APBA2: variants seen among roughly 807,000 people sequenced by gnomAD.
The protein encoded by APBA2 is amyloid-beta A4 precursor protein-binding family A member 2.
A neutral mutation model predicts 75.0 loss-of-function variants in APBA2; 30 were observed. That is an observed-to-expected ratio of 0.40 (90% CI 0.30 to 0.54). The LOEUF (loss-of-function observed/expected upper bound fraction) is 0.54. Ranked by LOEUF, APBA2 falls within the 20% of genes least tolerant of loss-of-function variation. APBA2 has a pLI of 0.49. For missense variants in APBA2, 801 were observed against 1,016.1 expected (o/e 0.79, Z 2.88); for synonymous variants, 444 against 409.6 (o/e 1.08, Z -1.01).
At chr15:29,106,865 C>T (rs372728283) in intron 12 of APBA2, 46 bp downstream of exon 12, 2 of 1,552,868 alleles carry the variant, frequency 1.3e-6, no homozygotes, top group Admixed American at 3.4e-5. Context: ...TCAACCCTGC[C>T]TCACTTCATC....
At chr15:29,000,890 G>C (rs918060622) in intron 3 of APBA2, among the ~76,000 whole-genome samples, 1 of 152,198 alleles carries the variant, frequency 6.6e-6, no homozygotes, top group African/African-American at 2.4e-5. Flanking sequence ...TAGGATTTCT[G>C]AATGAGCCAG....
intron 6 of APBA2, among the ~76,000 whole-genome samples, chr15:29,078,023 G>A (rs903289318): frequency 5.3e-5 from 8 of 152,320 alleles, no homozygotes; most frequent in South Asian, 2.1e-4. Flanking sequence ...AGGGTTGGAC[G>A]TGGTGGCTCA....
intron 14 of APBA2, among the ~76,000 whole-genome samples, chr15:29,115,219 T>C (rs934355678): frequency 3.6e-5 from 3 of 84,124 alleles, no homozygotes; most frequent in Non-Finnish European, 6.4e-5. Context: ...TCTGTGAGGC[T>C]GAGTGCGTGG....
At chr15:29,056,625 C>CTTCCTTCCTTCT (rs1566955648) in intron 4 of APBA2, among the ~76,000 whole-genome samples, 3 of 102,976 alleles carry the variant, frequency 2.9e-5, no homozygotes, top group African/African-American at 1.4e-4. Context: ...TCTCTCCCTC[C>CTTCCTTCCTTCT]CTCCCTCCCT....
chr15:28,947,956 C>T (rs1316608380), intron 2 of APBA2, among the ~76,000 whole-genome samples: 1 of 152,140 alleles, frequency 6.6e-6, no homozygotes, highest in Non-Finnish European at 1.5e-5. Context: ...ACAAACAATC[C>T]CTCGTGTTAG....
chr15:29,023,548 G>A (rs1260448957), intron 3 of APBA2, among the ~76,000 whole-genome samples: 2 of 135,880 alleles, frequency 1.5e-5, no homozygotes, highest in East Asian at 2.4e-4. Flanking sequence ...CTCTGTCTCC[G>A]AGGTTCAAGC....
Position 29,060,378 on chromosome 15 carries a change from T to C in APBA2, c.951+5543T>C, listed in dbSNP as rs373839319. The stretch of plus-strand genomic sequence containing the variant: ...TGTGAATAGACTGTGGACTGTGTTA[T>C]GCCAAAACCCGTGCCTCTGAACAGT... On this transcript the variant is annotated intron_variant, in intron 4 of 14. Coordinates refer to ENST00000683413, the MANE Select transcript of APBA2 (RefSeq NM_001353788.2). Among the ~76,000 whole-genome samples, 15 of 152,308 alleles carry C rather than the reference T, an allele frequency of 9.8e-5. No individual in the cohort carries two copies. In the South Asian group the frequency reaches 1.7e-3, roughly 17 times the overall value.
chr15:28,943,779 C>T (rs2035375403), intron 2 of APBA2, among the ~76,000 whole-genome samples: 1 of 152,100 alleles, frequency 6.6e-6, no homozygotes, highest in Non-Finnish European at 1.5e-5. Flanking sequence ...CCAGCCCTGG[C>T]CCCTCCTTGG....
At chr15:29,061,348 T>C (rs953117132) in intron 4 of APBA2, among the ~76,000 whole-genome samples, 10 of 152,232 alleles carry the variant, frequency 6.6e-5, no homozygotes, top group African/African-American at 2.2e-4. Context: ...AGGCATTCCT[T>C]GTCCAGGACC....
chr15:29,034,332 T>C (rs544814523), intron 3 of APBA2, among the ~76,000 whole-genome samples: 2 of 152,290 alleles, frequency 1.3e-5, no homozygotes, highest in African/African-American at 4.8e-5. Context: ...CCAACCTCCA[T>C]CCTGAGTCAT....
intron 4 of APBA2, among the ~76,000 whole-genome samples, chr15:29,067,357 A>G (rs2042422575): frequency 1.3e-5 from 2 of 152,216 alleles, no homozygotes; most frequent in African/African-American, 4.8e-5. Flanking sequence ...ATACCCATTC[A>G]GGCCTGTGGA....
At chr15:28,915,544 C>T (rs1373266687) in intron 1 of APBA2, among the ~76,000 whole-genome samples, 2 of 150,648 alleles carry the variant, frequency 1.3e-5, no homozygotes, top group Non-Finnish European at 3.0e-5. Flanking sequence ...AGACACCATA[C>T]ACACATCACA....
At chr15:29,002,972 G>A (rs1028358567) in intron 3 of APBA2, among the ~76,000 whole-genome samples, 7 of 152,114 alleles carry the variant, frequency 4.6e-5, no homozygotes, top group African/African-American at 1.2e-4. Flanking sequence ...GCAAACAAGC[G>A]TGTATATATA....
At chr15:28,897,559 A>G (rs541948480) in intron 1 of APBA2, among the ~76,000 whole-genome samples, 1 of 142,652 alleles carries the variant, frequency 7.0e-6, no homozygotes, top group South Asian at 2.3e-4. Context: ...TGGAGGTTGC[A>G]GTGAGCCGAG....
chr15:28,960,100 G>A (rs2036383827), intron 2 of APBA2, among the ~76,000 whole-genome samples: 1 of 145,172 alleles, frequency 6.9e-6, no homozygotes, highest in Non-Finnish European at 1.5e-5. Flanking sequence ...AGCTGAGATT[G>A]CACCACTGCA....
chr15:29,097,675 CTTCA>C (rs1353392048), intron 8 of APBA2, among the ~76,000 whole-genome samples: 6 of 152,172 alleles, frequency 3.9e-5, no homozygotes, highest in South Asian at 4.1e-4. Context: ...AATGAGAACA[CTTCA>C]TTCACTATCT....
chr15:29,113,773 C>A, intron 13 of APBA2, 103 bp from the exon 14 acceptor site: 1 of 1,468,318 alleles, frequency 6.8e-7, no homozygotes, highest in Non-Finnish European at 9.3e-7. Flanking sequence ...ACGTATTCAT[C>A]ATGTGGCGCT....
intron 2 of APBA2, among the ~76,000 whole-genome samples, chr15:28,947,681 C>T (rs927579775): frequency 2.6e-5 from 4 of 152,102 alleles, no homozygotes; most frequent in East Asian, 3.9e-4. Flanking sequence ...GAGCTCCTTG[C>T]CTGGGTCATC....
rs1336318744 is a variant in APBA2 at position 28,918,687 on chromosome 15, G to C, written c.-204-2953G>C. ...GGCCTATGCAGGATCCCGGTTGGAG[G>C]GGGCTGCAGAGGCTACTGCTGGGCC... On this transcript the variant is annotated intron_variant, in intron 1 of 14. Transcript: ENST00000683413. This position sits in a 1 kb window ranked among gnomAD's most constrained non-coding sequence, Gnocchi z 4.2. 6.6e-6 allele frequency among the ~76,000 whole-genome samples: 1 copy of C among 152,116 alleles called. No homozygotes were observed. Among genetic ancestry groups the C allele is most frequent in the East Asian group, 1.9e-4 (1 of 5,160 alleles).
Sources: allele counts gnomAD v4.1 joint callset (sites outside exome capture counted in the v4.1 genomes callset), GRCh38; gene constraint gnomAD v4.1.1; non-coding constraint Gnocchi (gnomAD v3.1); transcripts MANE v1.5; gene names NCBI Gene and HGNC (gene_info 2026-07-23, HGNC 2026-07-21).